The following SOX5 variants were observed in gnomAD, a reference collection of about 807,000 sequenced individuals.
The protein encoded by SOX5 is transcription factor SOX-5.
In SOX5, 9 loss-of-function variants were observed where a neutral mutation model predicts 92.0. The ratio of observed to expected loss-of-function variants is 0.10; its 90% CI spans 0.06 to 0.17. The LOEUF (loss-of-function observed/expected upper bound fraction) is 0.17, where lower values mean the gene tolerates loss of function less well. SOX5 is among the 10% of genes least tolerant of loss of function. The probability of loss-of-function intolerance (pLI) is 1.00; values close to 1 mark genes in which losing one functional copy is unlikely to be tolerated. For synonymous variants in SOX5, 344 were observed against 336.3 expected (o/e 1.02, Z -0.25); for missense variants, 642 against 944.5 (o/e 0.68, Z 4.20).
At chr12:24,092,853 G>T (rs1318853834) in intron 4 of SOX5, among the ~76,000 whole-genome samples, 1 of 152,098 alleles carries the variant, frequency 6.6e-6, no homozygotes, top group Non-Finnish European at 1.5e-5. Flanking sequence ...AATAATAGCA[G>T]TAGTCCAGAA....
chr12:24,531,759 A>G (rs1566406653), intron 1 of SOX5, among the ~76,000 whole-genome samples: 1 of 152,072 alleles, frequency 6.6e-6, no homozygotes, highest in Non-Finnish European at 1.5e-5. Flanking sequence ...TGCCTGCTTT[A>G]TTCACTGGAC....
chr12:24,183,819 T>C (rs1436634694), intron 4 of SOX5, among the ~76,000 whole-genome samples: 2 of 152,174 alleles, frequency 1.3e-5, no homozygotes, highest in Non-Finnish European at 2.9e-5. Context: ...TTTCTAACTA[T>C]ATGAACTTAG....
chr12:23,799,894 G>A (rs952220121), intron 3 of SOX5, among the ~76,000 whole-genome samples: 3 of 151,916 alleles, frequency 2.0e-5, no homozygotes, highest in Admixed American at 6.6e-5. Context: ...TAGACATAAT[G>A]CATTTCACAA....
At chr12:24,051,306 T>G (rs1232405047) in intron 4 of SOX5, among the ~76,000 whole-genome samples, 1 of 152,130 alleles carries the variant, frequency 6.6e-6, no homozygotes, top group Non-Finnish European at 1.5e-5. Flanking sequence ...GACTCAAATT[T>G]TTAATAAGAC....
At chr12:24,271,296 C>T (rs1943705054) in intron 3 of SOX5, among the ~76,000 whole-genome samples, 1 of 152,188 alleles carries the variant, frequency 6.6e-6, no homozygotes, top group Non-Finnish European at 1.5e-5. Context: ...ATGTCTTGGA[C>T]ATTATTTCAT....
At chr12:24,340,433 C>T (rs551373688) in intron 2 of SOX5, among the ~76,000 whole-genome samples, 20 of 152,306 alleles carry the variant, frequency 1.3e-4, no homozygotes, top group East Asian at 3.9e-4. Context: ...CTTGACACAA[C>T]GAATCCACCT....
intron 3 of SOX5, among the ~76,000 whole-genome samples, chr12:24,224,962 C>T (rs1264524152): frequency 1.3e-5 from 2 of 152,170 alleles, no homozygotes; most frequent in African/African-American, 4.8e-5. Flanking sequence ...CTCCCATCTT[C>T]TAGTTTTCTA....
At chr12:23,770,548 AT>A (rs74309645) in intron 3 of SOX5, among the ~76,000 whole-genome samples, 249 of 151,646 alleles carry the variant, frequency 1.6e-3, no homozygotes, top group African/African-American at 5.7e-3. Context: ...CTTTTTTCAG[AT>A]TTTTTTTTCA....
At chr12:23,558,261 G>A (rs1374075398) in intron 11 of SOX5, among the ~76,000 whole-genome samples, 2 of 152,130 alleles carry the variant, frequency 1.3e-5, no homozygotes, top group Non-Finnish European at 2.9e-5. Flanking sequence ...AATAATTCAT[G>A]ATCAATTTAA....
chr12:24,098,191 G>C (rs1365009830), intron 4 of SOX5, among the ~76,000 whole-genome samples: 1 of 152,020 alleles, frequency 6.6e-6, no homozygotes. Flanking sequence ...AATAAAATTG[G>C]TTACAAGTTG....
intron 4 of SOX5, among the ~76,000 whole-genome samples, chr12:24,202,496 C>T (rs879841754): frequency 6.6e-6 from 1 of 152,154 alleles, no homozygotes; most frequent in Admixed American, 6.5e-5. Context: ...TACATTCATA[C>T]ATGATTTGAT....
intron 6 of SOX5, among the ~76,000 whole-genome samples, chr12:23,679,905 A>G (rs1328458360): frequency 1.3e-5 from 2 of 152,214 alleles, no homozygotes; most frequent in African/African-American, 4.8e-5. Context: ...ATAAAAAAAT[A>G]AAATAATATG....
intron 4 of SOX5, among the ~76,000 whole-genome samples, chr12:24,034,914 A>G (rs1955870603): frequency 6.6e-6 from 1 of 152,100 alleles, no homozygotes; most frequent in Admixed American, 6.6e-5. Context: ...CAATCAAGCT[A>G]CTAATAGAGC....
intron 7 of SOX5, among the ~76,000 whole-genome samples, chr12:23,661,475 C>T (rs904788005): frequency 6.6e-5 from 10 of 152,220 alleles, no homozygotes; most frequent in Admixed American, 2.6e-4. Context: ...TCTCAAATGT[C>T]GCTCTCAAGT....
intron 3 of SOX5, among the ~76,000 whole-genome samples, chr12:23,818,991 T>C (rs2096055418): frequency 6.6e-6 from 1 of 152,170 alleles, no homozygotes; most frequent in South Asian, 2.1e-4. Context: ...CTGAAAAATA[T>C]GCCTGAGGTT....
intron 4 of SOX5, among the ~76,000 whole-genome samples, chr12:23,960,295 T>C (rs12372654): frequency 0.51 from 77,395 of 151,590 alleles, 20,076 homozygotes; most frequent in Non-Finnish European, 0.56. Context: ...TTGTGACCTA[T>C]GTAAAGTGGC....
At chr12:24,509,359 T>C (rs953050345) in intron 1 of SOX5, among the ~76,000 whole-genome samples, 3 of 152,078 alleles carry the variant, frequency 2.0e-5, no homozygotes, top group Non-Finnish European at 4.4e-5. Context: ...CTCTCCTACC[T>C]TTTTTTCCTC....
At chr12:23,671,801 AAC>A (rs1274053179) in intron 6 of SOX5, among the ~76,000 whole-genome samples, 1 of 152,196 alleles carries the variant, frequency 6.6e-6, no homozygotes, top group Non-Finnish European at 1.5e-5. Context: ...CTAACTTCCC[AAC>A]AGTCACATTG....
chr12:23,663,753 T>C (rs1037891349), intron 7 of SOX5, among the ~76,000 whole-genome samples: 1 of 151,980 alleles, frequency 6.6e-6, no homozygotes, highest in Admixed American at 6.6e-5. Context: ...TTTAAAAAAA[T>C]CAGAATTTAG....
Sources: gnomAD v4.1 joint callset for allele counts (sites outside exome capture counted in the v4.1 genomes callset) on GRCh38, gnomAD v4.1.1 for gene constraint, MANE v1.5 for transcripts, NCBI Gene and HGNC (gene_info 2026-07-23, HGNC 2026-07-21) for gene names.